Variants in UST observed in about 807,000 individuals in gnomAD.
UST encodes the protein uronyl 2-sulfotransferase.
A neutral mutation model predicts 45.6 loss-of-function variants in UST; 21 were observed. That is an observed-to-expected ratio of 0.46 (90% CI 0.33 to 0.66). UST has a LOEUF of 0.66. UST is among the 30% of genes least tolerant of loss of function. The pLI, the probability that UST is intolerant of heterozygous loss-of-function variation, is 0.02. For synonymous variants in UST, 215 were observed against 200.6 expected, an observed-to-expected ratio of 1.07 and a Z score of -0.61; for missense variants, 463 against 512.4, an observed-to-expected ratio of 0.90 and a Z score of 0.93.
chr6:149,071,858 A>C (rs922911908), intron 7 of UST, among the ~76,000 whole-genome samples: 1 of 152,242 alleles, frequency 6.6e-6, no homozygotes, highest in Non-Finnish European at 1.5e-5. Flanking sequence ...TCTAAAGAAG[A>C]TATACAAACA....
intron 7 of UST, among the ~76,000 whole-genome samples, chr6:149,045,361 AG>A (rs1776382565): frequency 6.6e-6 from 1 of 152,256 alleles, no homozygotes; most frequent in South Asian, 2.1e-4. Flanking sequence ...CATAGAAATA[AG>A]GAAAAGGGAT....
intron 1 of UST, among the ~76,000 whole-genome samples, chr6:148,769,989 C>G (rs1457072126): frequency 6.6e-6 from 1 of 151,750 alleles, no homozygotes; most frequent in Non-Finnish European, 1.5e-5. Context: ...TTCTGTATGT[C>G]CTAAGATCTC....
chr6:149,009,825 T>TC (rs1294739814), intron 5 of UST, among the ~76,000 whole-genome samples: 2 of 151,774 alleles, frequency 1.3e-5, no homozygotes, highest in African/African-American at 4.8e-5. Flanking sequence ...TTTTGTCTTT[T>TC]TTTTTTTTGA....
intron 1 of UST, among the ~76,000 whole-genome samples, chr6:148,796,124 T>C (rs1776943637): frequency 6.6e-6 from 1 of 151,752 alleles, no homozygotes; most frequent in South Asian, 2.1e-4. Flanking sequence ...AACTGAAGGG[T>C]AGTTTTGAAT....
chr6:148,902,589 G>A (rs2114866191), intron 2 of UST, among the ~76,000 whole-genome samples: 1 of 152,056 alleles, frequency 6.6e-6, no homozygotes, highest in Middle Eastern at 3.4e-3. Context: ...TTGTTGCCCA[G>A]GTTGGTCTTG....
chr6:149,046,317 T>C (rs1371662691), intron 7 of UST, among the ~76,000 whole-genome samples: 1 of 152,254 alleles, frequency 6.6e-6, no homozygotes, highest in African/African-American at 2.4e-5. Context: ...ACCAGTCTAC[T>C]GGCCAGGGGT....
intron 7 of UST, among the ~76,000 whole-genome samples, chr6:149,070,907 A>T (rs756522707): frequency 3.3e-5 from 5 of 151,150 alleles, no homozygotes; most frequent in Non-Finnish European, 5.9e-5. Context: ...AGCTGGGACT[A>T]CAGGTGCATG....
chr6:149,046,195 G>A (rs576497888), intron 7 of UST, among the ~76,000 whole-genome samples: 1 of 152,330 alleles, frequency 6.6e-6, no homozygotes, highest in East Asian at 1.9e-4. Context: ...CAAAATGTAA[G>A]CAAGAATGGC....
At chr6:148,913,970 T>C (rs1357295978) in intron 2 of UST, among the ~76,000 whole-genome samples, 5 of 152,148 alleles carry the variant, frequency 3.3e-5, no homozygotes, top group Non-Finnish European at 7.3e-5. Context: ...TAATCCCCAG[T>C]GTGATAGCAG....
At chr6:148,863,656 A>G (rs1778363270) in intron 1 of UST, among the ~76,000 whole-genome samples, 1 of 152,074 alleles carries the variant, frequency 6.6e-6, no homozygotes, top group South Asian at 2.1e-4. Context: ...TTGGTCTTTG[A>G]TGATGGTGAC....
chr6:148,784,446 C>T (rs1319156694), intron 1 of UST, among the ~76,000 whole-genome samples: 1 of 152,224 alleles, frequency 6.6e-6, no homozygotes, highest in Non-Finnish European at 1.5e-5. Flanking sequence ...CATCTCAAAT[C>T]CTCTCAAGTT....
chr6:149,043,021 T>TTCTTTTTCTTTTTC (rs1421057336), intron 7 of UST, among the ~76,000 whole-genome samples: 2 of 118,224 alleles, frequency 1.7e-5, no homozygotes, highest in Non-Finnish European at 1.7e-5. Context: ...CTTTCTTTCT[T>TTCTTTTTCTTTTTC]TTTCTTTCTT....
At position 148,934,068 on chromosome 6, in the gene UST, ATTAAT is replaced by A. The variant is rs1329090172; in HGVS notation, c.292-7205_292-7201del. On this transcript the variant is annotated intron_variant, in intron 2 of 7. Coordinates refer to ENST00000367463, the MANE Select transcript of UST (RefSeq NM_005715.3). This position sits in a 1 kb window ranked among gnomAD's most constrained non-coding sequence, Gnocchi z 4.1. Reference sequence around the variant, plus strand: ...TATCTTGGTAGCAATATGGACTGAAATTAATTTAATAGCTTCAGAAGAAAATATCA... The same window carrying A: ...TATCTTGGTAGCAATATGGACTGAAATTAATAGCTTCAGAAGAAAATATCA... Among the ~76,000 whole-genome samples the A allele has an allele frequency of 4.6e-5, 7 of 152,228 alleles. No homozygotes were observed. Among genetic ancestry groups the A allele is most frequent in the African/African-American group, 1.7e-4 (7 of 41,460 alleles).
At chr6:149,009,878 A>G (rs1027738776) in intron 5 of UST, among the ~76,000 whole-genome samples, 1 of 151,754 alleles carries the variant, frequency 6.6e-6, no homozygotes, top group Non-Finnish European at 1.5e-5. Flanking sequence ...ATTTTTTTCA[A>G]TAGCACATAT....
intron 3 of UST, among the ~76,000 whole-genome samples, chr6:148,947,232 C>T (rs1340985164): frequency 6.6e-6 from 1 of 152,052 alleles, no homozygotes; most frequent in East Asian, 1.9e-4. Flanking sequence ...GCAATCAGAC[C>T]TTGGCAATGA....
At chr6:149,069,903 G>A (rs1041086449) in intron 7 of UST, among the ~76,000 whole-genome samples, 12 of 152,122 alleles carry the variant, frequency 7.9e-5, no homozygotes, top group Non-Finnish European at 1.6e-4. Flanking sequence ...TTGTAGTCAA[G>A]GTATTTATAT....
At chr6:148,862,081 A>C (rs1428757546) in intron 1 of UST, among the ~76,000 whole-genome samples, 4 of 152,156 alleles carry the variant, frequency 2.6e-5, no homozygotes, top group African/African-American at 9.7e-5. Context: ...GGATCTGTCT[A>C]ATGTTGACAG....
intron 2 of UST, among the ~76,000 whole-genome samples, chr6:148,897,011 A>G (rs753158074): frequency 4.6e-5 from 7 of 152,192 alleles, no homozygotes; most frequent in Non-Finnish European, 8.8e-5. Flanking sequence ...GACACATGGT[A>G]GCACCCAGCA....
At chr6:149,013,569 T>A (rs1775851286) in intron 5 of UST, among the ~76,000 whole-genome samples, 1 of 151,932 alleles carries the variant, frequency 6.6e-6, no homozygotes, top group African/African-American at 2.4e-5. Context: ...GGTACGTCCA[T>A]CTGCAGTTTC....
Sources: gnomAD v4.1 joint callset for allele counts (sites outside exome capture counted in the v4.1 genomes callset) on GRCh38, gnomAD v4.1.1 for gene constraint, Gnocchi (gnomAD v3.1) non-coding constraint, MANE v1.5 for transcripts, NCBI Gene and HGNC (gene_info 2026-07-23, HGNC 2026-07-21) for gene names.